Variants in IPO11 observed in about 807,000 individuals in gnomAD.
The protein encoded by IPO11 is importin-11.
In IPO11, 66 loss-of-function variants were observed where a neutral mutation model predicts 143.2. The ratio of observed to expected loss-of-function variants is 0.46; its 90% confidence interval spans 0.38 to 0.57. IPO11 has a LOEUF of 0.57. Among genes scored for constraint, IPO11 ranks in the 20% least tolerant of loss-of-function variants. The pLI is 0.00. For missense variants in IPO11, 1,026 were observed against 1,141.0 expected (o/e 0.90, Z 1.45); for synonymous variants, 385 against 377.8 (o/e 1.02, Z -0.22).
chr5:62,428,245 A>G lies in IPO11; in HGVS notation c.-6-9029A>G, dbSNP rs138004593. On this transcript the variant is annotated intron_variant, in intron 1 of 29. Coordinates refer to ENST00000325324, the MANE Select transcript of IPO11 (RefSeq NM_016338.5). ...TGGTGTCATTATGTTACCGAGGCTG[A>G]TCTTGAACTCCTGAGCTCAAGTGAT... 6.3e-3 allele frequency among the ~76,000 whole-genome samples: 953 copies of G among 152,110 alleles called. 5 individuals carry two copies. The highest frequency in any genetic ancestry group is 0.027 in the Middle Eastern group (8 of 294).
chr5:62,519,658 A>G (rs1253095925), intron 20 of IPO11, among the ~76,000 whole-genome samples: 1 of 152,212 alleles, frequency 6.6e-6, no homozygotes, highest in Non-Finnish European at 1.5e-5. Context: ...TTTGCCTAGT[A>G]TACTGAGAAA....
At chr5:62,443,177 C>T (rs552042843) in intron 3 of IPO11, 94 bp downstream of exon 3, 55 of 713,764 alleles carry the variant, frequency 7.7e-5, no homozygotes, top group African/African-American at 7.3e-4. Context: ...GATGTGTTAG[C>T]GCTTACTTCT....
Position 62,525,580 on chromosome 5 carries a change from T to TG in IPO11, c.1897-561dup, listed in dbSNP as rs1742345022. Among the ~76,000 whole-genome samples the TG allele has an allele frequency of 2.0e-5, 3 of 152,164 alleles. 1 individual carries two copies. The highest frequency in any genetic ancestry group is 6.5e-5 in the Admixed American group (1 of 15,280). On this transcript the variant is annotated intron_variant, in intron 20 of 29. Transcript: ENST00000325324. ...TAAATGTTTTTCAAGAACAGAGTCT[T>TG]GCCATGTTGCCCAGGCTGGTCACCA...
chr5:62,513,994 G>T (rs1290469046), intron 19 of IPO11, among the ~76,000 whole-genome samples: 1 of 151,290 alleles, frequency 6.6e-6, no homozygotes, highest in Non-Finnish European at 1.5e-5. Context: ...TCAGACGATG[G>T]GCTGCCGGGC....
At chr5:62,456,092 G>A (rs1055857228) in intron 5 of IPO11, among the ~76,000 whole-genome samples, 1 of 151,656 alleles carries the variant, frequency 6.6e-6, no homozygotes, top group South Asian at 2.1e-4. Flanking sequence ...GCAGGTGCAC[G>A]ACCTTGGCTC....
In IPO11 at chr5:62,605,713, G is replaced by GTATTATTATTATTATTATTAT. The variant is rs139613779; in HGVS notation, c.2763+3873_2763+3893dup. Reference sequence around the variant, plus strand: ...CAACTCTATGATACCAGCTAACAAAGTATTATTATTATTATTATTATTATT... The same window carrying GTATTATTATTATTATTATTAT: ...CAACTCTATGATACCAGCTAACAAAGTATTATTATTATTATTATTATTATTATTATTATTATTATTATTATT... On this transcript the variant is annotated intron_variant, in intron 29 of 29. Coordinates refer to ENST00000325324, the MANE Select transcript of IPO11 (RefSeq NM_016338.5). Among the ~76,000 whole-genome samples the GTATTATTATTATTATTATTAT allele has an allele frequency of 2.0e-5, 3 of 146,718 alleles. No homozygotes were observed. The East Asian group carries it at 5.9e-4, about 29-fold the overall frequency.
At chr5:62,503,407 GT>G (rs1741423801) in intron 16 of IPO11, among the ~76,000 whole-genome samples, 2 of 146,262 alleles carry the variant, frequency 1.4e-5, no homozygotes, top group African/African-American at 5.0e-5. Context: ...TATATTAATA[GT>G]ATCTATTAAT....
chr5:62,569,923 C>T (rs1001380991), intron 27 of IPO11, among the ~76,000 whole-genome samples: 6 of 152,226 alleles, frequency 3.9e-5, no homozygotes, highest in Middle Eastern at 3.4e-3. Flanking sequence ...CTGATTATTT[C>T]AGTTCAACTG....
chr5:62,483,424 T>TA (rs1746281031), intron 10 of IPO11, 131 bp downstream of exon 10: 1 of 616,132 alleles, frequency 1.6e-6, no homozygotes, highest in Non-Finnish European at 2.7e-6. Context: ...ATGAAAAAGA[T>TA]ATAAGGATTA....
chr5:62,487,059 A>G (rs1415044334), intron 12 of IPO11, among the ~76,000 whole-genome samples: 2 of 152,198 alleles, frequency 1.3e-5, no homozygotes, highest in Admixed American at 1.3e-4. Context: ...TTTTGTGGGT[A>G]CATAGTAGGT....
chr5:62,461,606 GAA>G (rs1473895329), intron 5 of IPO11, among the ~76,000 whole-genome samples: 1 of 152,186 alleles, frequency 6.6e-6, no homozygotes, highest in African/African-American at 2.4e-5. Context: ...TCTTGAATTA[GAA>G]CTTTAAGAGA....
At chr5:62,458,203 AATAG>A (rs1745232544) in intron 5 of IPO11, among the ~76,000 whole-genome samples, 1 of 151,252 alleles carries the variant, frequency 6.6e-6, no homozygotes, top group Admixed American at 6.6e-5. Context: ...AAATAGGTTT[AATAG>A]ATCTTATTTT....
At chr5:62,581,263 GA>G in intron 27 of IPO11, 1 of 1,537,716 alleles carries the variant, frequency 6.5e-7, no homozygotes. Context: ...AATTGTTCCT[GA>G]AAATGAGGCA....
intron 24 of IPO11, among the ~76,000 whole-genome samples, chr5:62,538,382 G>A (rs1470928769): frequency 1.3e-5 from 2 of 152,158 alleles, no homozygotes; most frequent in African/African-American, 4.8e-5. Context: ...ATGATCAAGG[G>A]GATTGTAGGG....
Position 62,627,217 on chromosome 5 carries a change from G to A in IPO11, c.2827G>A (p.Ala943Thr), listed in dbSNP as rs1236468159. 2.5e-6 allele frequency: 4 copies of A among 1,614,114 alleles called. No individual in the cohort carries two copies. In the East Asian group the frequency reaches 6.7e-5, roughly 27 times the overall value. The change falls in exon 30 of 30, where the codon GCA (alanine) becomes ACA (threonine). Residue 943 changes from alanine to threonine, a missense_variant. Around this residue, in one of 5 missense-constraint regions of IPO11, gnomAD observed 351 missense variants for 358.9 expected, o/e 0.98. Transcript: ENST00000325324. ...GCAGTTCATCTACGAGAAGCTCAAGGCACAGCAGGAGATGCTAGGAGAACA... is the reference window on the plus strand; with the variant it reads ...GCAGTTCATCTACGAGAAGCTCAAGACACAGCAGGAGATGCTAGGAGAACA... ...LQQFIYEKLKAQQEMLGEQGF... is the reference protein window; with the variant it reads ...LQQFIYEKLKTQQEMLGEQGF...
At chr5:62,502,503 GTC>G (rs1741380130) in intron 16 of IPO11, among the ~76,000 whole-genome samples, 1 of 152,122 alleles carries the variant, frequency 6.6e-6, no homozygotes, top group African/African-American at 2.4e-5. Context: ...TTCCTTAAAA[GTC>G]TGTGTTTTTT....
intron 18 of IPO11, among the ~76,000 whole-genome samples, chr5:62,506,036 C>A (rs1459252145): frequency 6.6e-6 from 1 of 152,028 alleles, no homozygotes; most frequent in African/African-American, 2.4e-5. Context: ...CATTCAGCAG[C>A]AATGAAGAAA....
intron 29 of IPO11, among the ~76,000 whole-genome samples, chr5:62,604,510 C>T (rs544925918): frequency 6.6e-6 from 1 of 152,252 alleles, no homozygotes; most frequent in Non-Finnish European, 1.5e-5. Context: ...CATGCCTGGC[C>T]TATGTGGTAT....
intron 26 of IPO11, among the ~76,000 whole-genome samples, chr5:62,553,565 CAT>C (rs1743467522): frequency 6.6e-6 from 1 of 151,768 alleles, no homozygotes; most frequent in Non-Finnish European, 1.5e-5. Context: ...TGAGGAAACT[CAT>C]ATTGTTCTCC....
Sources: allele counts gnomAD v4.1 joint callset (sites outside exome capture counted in the v4.1 genomes callset), GRCh38; gene constraint gnomAD v4.1.1; regional missense constraint gnomAD v4.1.1; transcripts MANE v1.5; gene names NCBI Gene and HGNC (gene_info 2026-07-23, HGNC 2026-07-21).